The following BIN3 variants were observed in gnomAD, a reference collection of about 807,000 sequenced individuals.
The protein encoded by BIN3 is bridging integrator 3.
BIN3 carries 41 observed loss-of-function variants against 38.2 expected under a neutral mutation model. The ratio of observed to expected loss-of-function variants is 1.07; its 90% CI spans 0.84 to 1.39. The LOEUF is 1.39. BIN3 is among the 40% of genes most tolerant of loss of function. BIN3 has a pLI of 0.00. For missense variants in BIN3, 361 were observed against 324.3 expected (o/e 1.11, Z -0.87); for synonymous variants, 145 against 122.6 (o/e 1.18, Z -1.21).
At chr8:22,668,449 C>A (rs1217021364) in intron 1 of BIN3, among the ~76,000 whole-genome samples, 1 of 152,196 alleles carries the variant, frequency 6.6e-6, no homozygotes, top group African/African-American at 2.4e-5. Context: ...ATTTAGAGGG[C>A]AGGCAGTGAG....
At chr8:22,636,092 A>G (rs986247439) in intron 4 of BIN3, among the ~76,000 whole-genome samples, 1 of 152,166 alleles carries the variant, frequency 6.6e-6, no homozygotes, top group African/African-American at 2.4e-5. Flanking sequence ...ACTTTAACCC[A>G]ACCTCCTGTT....
chr8:22,621,283 A>T lies in BIN3; in HGVS notation c.*139T>A. On this transcript the variant is annotated 3_prime_UTR_variant, in exon 9 of 9. Transcript: ENST00000276416. Reference sequence around the variant, plus strand: ...GGCTCCTGGTGCCAGGCTCAGGAAGAGTCATTCATTGCAAAGGGCCGGCAA... The same window carrying T: ...GGCTCCTGGTGCCAGGCTCAGGAAGTGTCATTCATTGCAAAGGGCCGGCAA... 1 of 1,149,042 alleles carries T rather than the reference A, an allele frequency of 8.7e-7. No individual in the cohort carries two copies. Among genetic ancestry groups the T allele is most frequent in the Non-Finnish European group, 1.2e-6 (1 of 831,712 alleles). 71.2% of individuals were successfully genotyped at this position (1,149,042 alleles called of 1,614,324 possible). A position where few individuals can be genotyped will look rare whatever the true frequency, so the allele number is the denominator to read the frequency against.
At chr8:22,639,567 A>T (rs549041554) in intron 2 of BIN3, among the ~76,000 whole-genome samples, 121 of 152,306 alleles carry the variant, frequency 7.9e-4, no homozygotes, top group African/African-American at 2.7e-3. Context: ...AGCTGATATC[A>T]TCTACCCCAG....
chr8:22,632,250 A>G (rs1398584710), intron 4 of BIN3, among the ~76,000 whole-genome samples: 1 of 152,182 alleles, frequency 6.6e-6, no homozygotes, highest in Non-Finnish European at 1.5e-5. Context: ...CTAGCACTCC[A>G]TGGCATGAAC....
At chr8:22,666,871 G>A (rs143888482) in intron 1 of BIN3, among the ~76,000 whole-genome samples, 112 of 152,222 alleles carry the variant, frequency 7.4e-4, no homozygotes, top group Middle Eastern at 3.4e-3. Context: ...ATGGCTCTAC[G>A]TCACTCTGGT....
chr8:22,625,511 G>C (rs1048287044), intron 6 of BIN3: 1 of 672,776 alleles, frequency 1.5e-6, no homozygotes, highest in Non-Finnish European at 2.7e-6. Flanking sequence ...AGAGGATGCT[G>C]GCAGACTCAC....
At chr8:22,640,478 C>T (rs1179868183) in intron 2 of BIN3, among the ~76,000 whole-genome samples, 10 of 152,102 alleles carry the variant, frequency 6.6e-5, no homozygotes, top group African/African-American at 1.2e-4. Flanking sequence ...CATGAGCCAC[C>T]GCGCACGGCC....
At position 22,623,901 on chromosome 8, in the gene BIN3, C is replaced by A. The variant is rs1801921117; in HGVS notation, c.615+14G>T. ...GTATACCAAGCCCAGGGGAAGAGCA[C>A]CTGGCGGCCTCACCTGAGCTCGGAT... On this transcript the variant is annotated intron_variant, in intron 8 of 8. Coordinates refer to ENST00000276416, the MANE Select transcript of BIN3 (RefSeq NM_018688.6). 4.3e-6 allele frequency: 7 copies of A among 1,609,956 alleles called. No homozygotes were observed. Among genetic ancestry groups the A allele is most frequent in the Non-Finnish European group, 5.9e-6 (7 of 1,178,644 alleles).
chr8:22,643,765 G>A (rs1802634721), intron 2 of BIN3, among the ~76,000 whole-genome samples: 1 of 152,242 alleles, frequency 6.6e-6, no homozygotes, highest in South Asian at 2.1e-4. Flanking sequence ...GGAGAAGCTA[G>A]TAAGACAAGG....
intron 1 of BIN3, among the ~76,000 whole-genome samples, chr8:22,658,156 C>T (rs1803117498): frequency 6.6e-6 from 1 of 152,186 alleles, no homozygotes; most frequent in Non-Finnish European, 1.5e-5. Flanking sequence ...CTTCCCATTC[C>T]ATAAATATGA....
chr8:22,625,174 C>T (rs1353739412), intron 6 of BIN3: 9 of 619,546 alleles, frequency 1.5e-5, no homozygotes, highest in African/African-American at 1.8e-5. Context: ...GACGATGCAA[C>T]GCTGCAGGTC....
chr8:22,642,541 C>T (rs750072559), intron 2 of BIN3, among the ~76,000 whole-genome samples: 6 of 152,190 alleles, frequency 3.9e-5, no homozygotes, highest in Non-Finnish European at 7.3e-5. Flanking sequence ...CAGGCTGAGT[C>T]CCTGATGGTT....
intron 1 of BIN3, among the ~76,000 whole-genome samples, chr8:22,659,567 G>A (rs1803166067): frequency 6.6e-6 from 1 of 152,208 alleles, no homozygotes; most frequent in South Asian, 2.1e-4. Context: ...CACTTATTGA[G>A]CATCTACTAT....
chr8:22,638,934 A>T (rs2117542184), intron 2 of BIN3, among the ~76,000 whole-genome samples: 1 of 152,332 alleles, frequency 6.6e-6, no homozygotes, highest in South Asian at 2.1e-4. Flanking sequence ...AAAATTCAAA[A>T]ATCACTCCCA....
At chr8:22,621,614 G>C (rs372741745) in intron 8 of BIN3, 46 bp from the exon 9 acceptor site, 2 of 1,585,144 alleles carry the variant, frequency 1.3e-6, no homozygotes, top group African/African-American at 1.3e-5. Flanking sequence ...CCAGGGAACC[G>C]TGTGCTTCAG....
intron 4 of BIN3, among the ~76,000 whole-genome samples, chr8:22,631,375 G>C (rs1802196580): frequency 6.6e-6 from 1 of 152,114 alleles, no homozygotes; most frequent in Non-Finnish European, 1.5e-5. Flanking sequence ...TGGAAACCTG[G>C]GGACTTGTAC....
intron 6 of BIN3, among the ~76,000 whole-genome samples, chr8:22,628,489 G>C (rs1334819649): frequency 6.6e-6 from 1 of 152,218 alleles, no homozygotes; most frequent in Non-Finnish European, 1.5e-5. Flanking sequence ...GGCTCATGCA[G>C]AGGTCAGCGG....
At chr8:22,661,333 C>T (rs1803228364) in intron 1 of BIN3, among the ~76,000 whole-genome samples, 2 of 129,874 alleles carry the variant, frequency 1.5e-5, no homozygotes, top group African/African-American at 5.7e-5. Flanking sequence ...ATAAATAGTA[C>T]AATGTTGAAT....
At chr8:22,636,444 G>T in intron 4 of BIN3, 81 bp downstream of exon 4, 2 of 1,435,750 alleles carry the variant, frequency 1.4e-6, no homozygotes, top group Non-Finnish European at 1.9e-6. Flanking sequence ...CAACTTCAGA[G>T]CCCTTGGGGG....
Sources: gnomAD v4.1 joint callset for allele counts (sites outside exome capture counted in the v4.1 genomes callset) on GRCh38, gnomAD v4.1.1 for gene constraint, MANE v1.5 for transcripts, NCBI Gene and HGNC (gene_info 2026-07-23, HGNC 2026-07-21) for gene names.